AFAP1L2: variants seen among roughly 807,000 people sequenced by gnomAD.
AFAP1L2 encodes the protein actin filament associated protein 1 like 2, also known as actin filament-associated protein 1-like 2.
Under a neutral mutation model 99.3 loss-of-function variants are expected in AFAP1L2, and 46 were observed. That is an observed-to-expected ratio of 0.46 (90% CI 0.37 to 0.59). AFAP1L2 has a LOEUF of 0.59. Among genes scored for constraint, AFAP1L2 ranks in the 20% least tolerant of loss-of-function variants. The pLI is 0.00. For synonymous variants in AFAP1L2, 397 were observed against 419.1 expected, an observed-to-expected ratio of 0.95 and a Z score of 0.64; for missense variants, 959 against 1,034.9, an observed-to-expected ratio of 0.93 and a Z score of 1.01.
At chr10:114,314,125 G>A (rs536064200) in intron 6 of AFAP1L2, 75 bp from the exon 7 acceptor site, 27 of 1,455,020 alleles carry the variant, frequency 1.9e-5, no homozygotes, top group Middle Eastern at 3.8e-4. Context: ...AGGAGGGGCC[G>A]CTGGACGTTG....
At chr10:114,364,154 A>T (rs926550780) in intron 1 of AFAP1L2, among the ~76,000 whole-genome samples, 4 of 152,146 alleles carry the variant, frequency 2.6e-5, no homozygotes, top group Non-Finnish European at 4.4e-5. Flanking sequence ...AAACTCAGTC[A>T]CAGCTGTGAC....
At chr10:114,318,748 G>GAGAAAAAAAGAA (rs2044571448) in intron 5 of AFAP1L2, among the ~76,000 whole-genome samples, 1 of 118,924 alleles carries the variant, frequency 8.4e-6, no homozygotes, top group Non-Finnish European at 1.7e-5. Flanking sequence ...CTAAAAAAAA[G>GAGAAAAAAAGAA]AAAAAAAAAA....
intron 1 of AFAP1L2, among the ~76,000 whole-genome samples, chr10:114,383,039 G>A: frequency 6.6e-6 from 1 of 152,064 alleles, no homozygotes; most frequent in South Asian, 2.1e-4. Context: ...ACACTCACAT[G>A]TACTCCATAA....
intron 1 of AFAP1L2, among the ~76,000 whole-genome samples, chr10:114,398,581 C>T (rs138071067): frequency 4.9e-4 from 75 of 152,370 alleles, no homozygotes; most frequent in African/African-American, 1.6e-3. Context: ...CACCAAGTGG[C>T]CTGCAAGGTA....
At chr10:114,315,901 C>A (rs994706741) in intron 5 of AFAP1L2, 136 bp from the exon 6 acceptor site, 4 of 864,498 alleles carry the variant, frequency 4.6e-6, no homozygotes, top group Admixed American at 5.1e-5. Context: ...TCAAAGCAGC[C>A]CCACAGCCAG....
At chr10:114,366,901 G>A (rs1228635482) in intron 1 of AFAP1L2, among the ~76,000 whole-genome samples, 1 of 152,176 alleles carries the variant, frequency 6.6e-6, no homozygotes, top group African/African-American at 2.4e-5. Context: ...CCAGGAGGTG[G>A]CGGTGCAGTG....
Position 114,302,359 on chromosome 10 carries a change from A to G in AFAP1L2, c.1410T>C (p.Ser470=), listed in dbSNP as rs774076761. The change falls in exon 12 of 19, where the codon AGT becomes AGC. Residue 470 remains serine (S), a synonymous_variant. Transcript: ENST00000304129. ...CTCACAAGAGAGAGTTTTTGGCCGC[A>G]CTCACAATACAGGAGACCCTATCGG... ...VDADRVSCIV[S]AAKNSLLLMQ... The G allele has an allele frequency of 1.2e-6, 2 of 1,614,112 alleles. No homozygotes were observed. Among genetic ancestry groups the G allele is most frequent in the East Asian group, 2.2e-5 (1 of 44,884 alleles).
intron 1 of AFAP1L2, among the ~76,000 whole-genome samples, chr10:114,376,833 G>C (rs1359875054): frequency 2.0e-5 from 3 of 152,144 alleles, no homozygotes; most frequent in Non-Finnish European, 2.9e-5. Flanking sequence ...AACATGGGAA[G>C]AATAATAGAC....
chr10:114,349,117 C>A (rs1353602943), intron 1 of AFAP1L2, among the ~76,000 whole-genome samples: 1 of 151,980 alleles, frequency 6.6e-6, no homozygotes, highest in Non-Finnish European at 1.5e-5. Context: ...GTGGCTCACA[C>A]CTGTAACCCC....
chr10:114,391,386 AT>A (rs2057134756), intron 1 of AFAP1L2, among the ~76,000 whole-genome samples: 1 of 151,950 alleles, frequency 6.6e-6, no homozygotes, highest in Admixed American at 6.5e-5. Context: ...TATCTGGCTA[AT>A]TTTTGTATTT....
intron 1 of AFAP1L2, among the ~76,000 whole-genome samples, chr10:114,393,947 A>T (rs1381767285): frequency 6.6e-6 from 1 of 152,212 alleles, no homozygotes; most frequent in Non-Finnish European, 1.5e-5. Context: ...CTGGGAGGAC[A>T]CCAGTCCCTC....
chr10:114,284,352 C>T, the AFAP1L2 span, among the ~76,000 whole-genome samples: 1 of 152,160 alleles, frequency 6.6e-6, no homozygotes, highest in Admixed American at 6.5e-5. Context: ...TCCCATCACT[C>T]CTTTTTAGAT....
At chr10:114,343,393 A>G (rs2049072486) in intron 1 of AFAP1L2, among the ~76,000 whole-genome samples, 1 of 152,162 alleles carries the variant, frequency 6.6e-6, no homozygotes, top group Non-Finnish European at 1.5e-5. Flanking sequence ...GCAGCCTTTC[A>G]TTTGTGTCAC....
chr10:114,332,378 C>A (rs1485124242), intron 3 of AFAP1L2, among the ~76,000 whole-genome samples: 1 of 152,212 alleles, frequency 6.6e-6, no homozygotes, highest in Non-Finnish European at 1.5e-5. Context: ...AGTGAGGCCA[C>A]CAACCCTCGG....
chr10:114,282,475 C>T, the AFAP1L2 span: 8 of 1,557,280 alleles, frequency 5.1e-6, no homozygotes, highest in Admixed American at 3.3e-5. Flanking sequence ...CCTCCCCTTA[C>T]ACCTCTGATC....
At chr10:114,399,353 A>C (rs2058033993) in intron 1 of AFAP1L2, among the ~76,000 whole-genome samples, 1 of 152,200 alleles carries the variant, frequency 6.6e-6, no homozygotes, top group African/African-American at 2.4e-5. Flanking sequence ...TTCCTGGATG[A>C]AGAGACATGT....
the AFAP1L2 span, chr10:114,289,676 A>T: frequency 1.6e-6 from 1 of 642,706 alleles, no homozygotes; most frequent in Non-Finnish European, 2.7e-6. Context: ...ATCCTATTTG[A>T]CATTTAAGGT....
At chr10:114,304,977 G>T in intron 10 of AFAP1L2, 47 bp from the exon 11 acceptor site, 1 of 1,521,114 alleles carries the variant, frequency 6.6e-7, no homozygotes, top group Non-Finnish European at 9.0e-7. Flanking sequence ...CTGCAGGAGG[G>T]GACGCAGATG....
At chr10:114,318,599 C>T (rs761245566) in intron 5 of AFAP1L2, among the ~76,000 whole-genome samples, 3 of 151,572 alleles carry the variant, frequency 2.0e-5, no homozygotes, top group Non-Finnish European at 4.4e-5. Flanking sequence ...AAAAATTAGC[C>T]GGGCATGGTG....
Sources: gnomAD v4.1 joint callset for allele counts (sites outside exome capture counted in the v4.1 genomes callset) on GRCh38, gnomAD v4.1.1 for gene constraint, MANE v1.5 for transcripts, NCBI Gene and HGNC (gene_info 2026-07-23, HGNC 2026-07-21) for gene names.